OTOA: variants seen among roughly 807,000 people sequenced by gnomAD.
The protein encoded by OTOA is otoancorin, also known as cancer/testis antigen 108.
A neutral mutation model predicts 110.8 loss-of-function variants in OTOA; 70 were observed. The ratio of observed to expected loss-of-function variants is 0.63; its 90% CI spans 0.52 to 0.77. The LOEUF (loss-of-function observed/expected upper bound fraction) is 0.77. Among genes scored for constraint, OTOA ranks in the 30% least tolerant of loss-of-function variants. OTOA has a pLI of 0.00. For synonymous variants in OTOA, 373 were observed against 431.5 expected (o/e 0.86, Z 1.68); for missense variants, 917 against 1,075.8 (o/e 0.85, Z 2.06).
At chr16:21,689,738 T>G (rs1296845924) in intron 8 of OTOA, among the ~76,000 whole-genome samples, 1 of 151,684 alleles carries the variant, frequency 6.6e-6, no homozygotes, top group Non-Finnish European at 1.5e-5. Flanking sequence ...CAGGCTGGAG[T>G]GCAATGGCCC....
Position 21,685,343 on chromosome 16 carries a change from A to T in OTOA, c.381A>T (p.Glu127Asp). ...GCACTGCCATGAAATGCCTCTTAGA[A>T]GACAAGAAGGACGGCTTGGTGAGGA... ...QFRTAMKCLL[E>D]DKKDGLDLKD... is the part of the protein sequence containing the mutation. Residue 127 changes from glutamate (E) to aspartate (D), a missense_variant, in exon 7 of 29, where the codon GAA (glutamate) becomes GAT (aspartate). Coordinates refer to ENST00000646100, the MANE Select transcript of OTOA (RefSeq NM_144672.4). 1 of 1,612,308 alleles carries T rather than the reference A, an allele frequency of 6.2e-7. No homozygotes were observed. Among genetic ancestry groups the T allele is most frequent in the Non-Finnish European group, 8.5e-7 (1 of 1,178,828 alleles).
intron 1 of OTOA, among the ~76,000 whole-genome samples, chr16:21,666,243 ATTTTTT>A (rs61085785): frequency 1.5e-5 from 2 of 129,042 alleles, no homozygotes; most frequent in East Asian, 4.6e-4. Context: ...ATGAAATGGC[ATTTTTT>A]TTTTTTTTTT....
intron 1 of OTOA, among the ~76,000 whole-genome samples, chr16:21,664,947 G>C (rs1966833522): frequency 6.6e-6 from 1 of 151,698 alleles, no homozygotes; most frequent in Non-Finnish European, 1.5e-5. Flanking sequence ...CCTCCATTCT[G>C]GGCGACACAG....
chr16:21,676,930 T>A (rs1966859200), intron 1 of OTOA, among the ~76,000 whole-genome samples: 1 of 152,220 alleles, frequency 6.6e-6, no homozygotes, highest in Admixed American at 6.5e-5. Flanking sequence ...TGCTGCCCAA[T>A]GTCTGAAAAA....
In OTOA at chr16:21,727,176, C is replaced by G. The variant is rs918384651; in HGVS notation, c.2016+518C>G. On this transcript the variant is annotated intron_variant, in intron 19 of 28. Transcript: ENST00000646100. The stretch of plus-strand genomic sequence containing the variant: ...GGACTACAGGTGTGTACCACTACAC[C>G]CGGTTATTTTTTGTATTTTTAGTAG... 7 of 162,242 alleles carry G rather than the reference C, an allele frequency of 4.3e-5. No individual in the cohort carries two copies. The South Asian group carries it at 1.0e-3, about 23-fold the overall frequency. The allele number at this position is 162,242 out of a possible 1,614,324, so 10.1% of individuals were successfully genotyped here.
intron 1 of OTOA, among the ~76,000 whole-genome samples, chr16:21,671,285 A>C (rs1172937358): frequency 6.6e-6 from 1 of 151,964 alleles, no homozygotes; most frequent in Non-Finnish European, 1.5e-5. Flanking sequence ...GAGTGCAGAG[A>C]GATTAAGAAA....
chr16:21,717,747 T>C (rs215903), intron 15 of OTOA, among the ~76,000 whole-genome samples: 125,856 of 152,014 alleles, frequency 0.83, 52,603 homozygotes, highest in Non-Finnish European at 0.89. Context: ...ATTACATGCA[T>C]CCAGCAAATG....
At chr16:21,729,499 C>T (rs1359494148) in intron 20 of OTOA, 1 of 152,140 alleles carries the variant, frequency 6.6e-6, no homozygotes, top group Non-Finnish European at 1.5e-5. Flanking sequence ...TTGACATTAT[C>T]GTCATTGGAT....
At position 21,730,882 on chromosome 16, in the gene OTOA, C is replaced by T; in HGVS notation, c.2253C>T (p.Pro751=). 1.3e-6 allele frequency: 2 copies of T among 1,576,972 alleles called. No homozygotes were observed. Among genetic ancestry groups the T allele is most frequent in the South Asian group, 2.3e-5 (2 of 87,724 alleles). ...CCGAGACCACGAAGGACTTGGGACC[C>T]TTTCTAGTACTTTTCTCAGGAGATG... ...WTAETTKDLG[P]FLVLFSGDEL... The change falls in exon 21 of 29, where the codon CCC becomes CCT. Residue 751 remains proline (P), a synonymous_variant. Transcript: ENST00000646100.
At chr16:21,726,717 G>T in intron 19 of OTOA, 59 bp downstream of exon 19, 1 of 1,604,548 alleles carries the variant, frequency 6.2e-7, no homozygotes. Flanking sequence ...ATCTTGGGGA[G>T]CCCTGTGAGG....
intron 7 of OTOA, among the ~76,000 whole-genome samples, chr16:21,685,972 C>G (rs1208676755): frequency 6.6e-6 from 1 of 152,116 alleles, no homozygotes; most frequent in African/African-American, 2.4e-5. Context: ...CCAGTGGACA[C>G]AGAGATCCTC....
intron 1 of OTOA, among the ~76,000 whole-genome samples, chr16:21,674,896 C>CTTTTTTTTTTTTTTTTTTTTTTTTTTTTT (rs60269668): frequency 3.4e-5 from 1 of 29,786 alleles, no homozygotes; most frequent in Non-Finnish European, 5.7e-5. Context: ...TTTTAAAAAT[C>CTTTTTTTTTTTTTTTTTTTTTTTTTTTTT]TTTTTTTTTT....
chr16:21,744,302 G>A (rs1899584325), intron 23 of OTOA, among the ~76,000 whole-genome samples: 1 of 152,272 alleles, frequency 6.6e-6, no homozygotes, highest in Admixed American at 6.5e-5. Context: ...ACCATGCACA[G>A]CTAATTTTTT....
Position 21,754,450 on chromosome 16 carries a change from ACACCT to A in OTOA, c.3153+1327_3153+1331del, listed in dbSNP as rs1445401791. Among the ~76,000 whole-genome samples, 3 of 113,454 alleles carry A rather than the reference ACACCT, an allele frequency of 2.6e-5. 1 individual carries two copies. The highest frequency in any genetic ancestry group is 5.8e-5 in the Non-Finnish European group (3 of 51,454). The allele number at this position is 113,454 out of a possible 152,430, so 74.4% of individuals were successfully genotyped here. A position where few individuals can be genotyped will look rare whatever the true frequency, so the allele number is the denominator to read the frequency against. On this transcript the variant is annotated intron_variant, in intron 27 of 28. Transcript: ENST00000646100. ...TAGCTGAGGCCGGGTGCAGTGGCTC[ACACCT>A]GTAATCCCAGCACTTTGGGAGGCCG...
At position 21,744,563 on chromosome 16, in the gene OTOA, C is replaced by CAAA. The variant is rs1207036642; in HGVS notation, c.2620-315_2620-313dup. 4.1e-3 allele frequency among the ~76,000 whole-genome samples: 436 copies of CAAA among 106,100 alleles called. No homozygotes were observed. The highest frequency in any genetic ancestry group is 0.013 in the African/African-American group (401 of 30,612). 69.6% of individuals were successfully genotyped at this position (106,100 alleles called of 152,430 possible). ...CTCACAGTTCTGGGGGGTGAGAAAT[C>CAAA]AAAAATTGAAGCACTGGCAGATCCA... On this transcript the variant is annotated intron_variant, in intron 23 of 28. Coordinates refer to ENST00000646100, the MANE Select transcript of OTOA (RefSeq NM_144672.4).
At chr16:21,674,761 A>G (rs1230498408) in intron 1 of OTOA, among the ~76,000 whole-genome samples, 1 of 151,222 alleles carries the variant, frequency 6.6e-6, no homozygotes, top group African/African-American at 2.4e-5. Context: ...TGCTATCTGT[A>G]TATATACTTT....
chr16:21,750,549 TTTTC>T (rs1899803306), intron 24 of OTOA, among the ~76,000 whole-genome samples: 1 of 36,340 alleles, frequency 2.8e-5, no homozygotes, highest in Non-Finnish European at 5.4e-5. Flanking sequence ...TGAACTTTGC[TTTTC>T]TTTGTGTTGG....
rs1336173471 is a variant in OTOA at position 21,687,615 on chromosome 16, C to G, written c.602C>G (p.Pro201Arg). ...FLQPDITERL[P>R]RDLREDAFKN... ...CAGCCAGACATCACAGAGCGGCTCC[C>G]TCGGGACCTGCGCGAGGATGCCTTT... The change falls in exon 8 of 29, where the codon CCT (proline) becomes CGT (arginine). Residue 201 changes from proline (P) to arginine (R), a missense_variant. This residue lies in a region of OTOA where 840 missense variants were observed against 910.2 expected (regional missense o/e 0.92). Coordinates refer to ENST00000646100, the MANE Select transcript of OTOA (RefSeq NM_144672.4). The G allele has an allele frequency of 6.2e-7, 1 of 1,613,522 alleles. No homozygotes were observed. The highest frequency in any genetic ancestry group is 1.1e-5 in the South Asian group (1 of 91,044).
chr16:21,715,634 T>A (rs1188921361), intron 14 of OTOA, among the ~76,000 whole-genome samples: 2 of 151,996 alleles, frequency 1.3e-5, no homozygotes, highest in Non-Finnish European at 2.9e-5. Flanking sequence ...TCTTGCTATG[T>A]TGCGCAGGCT....
Sources: gnomAD v4.1 joint callset for allele counts (sites outside exome capture counted in the v4.1 genomes callset) on GRCh38, gnomAD v4.1.1 for gene constraint, gnomAD v4.1.1 regional missense constraint, MANE v1.5 for transcripts, NCBI Gene and HGNC (gene_info 2026-07-23, HGNC 2026-07-21) for gene names.